PDE10A: variants seen among roughly 807,000 people sequenced by gnomAD.
The protein encoded by PDE10A is phosphodiesterase 10A.
In PDE10A, 39 loss-of-function variants were observed where a neutral mutation model predicts 97.7. The ratio of observed to expected loss-of-function variants is 0.40; its 90% CI spans 0.31 to 0.52. PDE10A has a LOEUF of 0.52. PDE10A is among the 20% of genes least tolerant of loss of function. The probability of loss-of-function intolerance (pLI) is 0.56; values close to 1 mark genes in which losing one functional copy is unlikely to be tolerated. For synonymous variants in PDE10A, 371 were observed against 376.8 expected, an observed-to-expected ratio of 0.98 and a Z score of 0.18; for missense variants, 731 against 1,047.8, an observed-to-expected ratio of 0.70 and a Z score of 4.17.
chr6:165,395,919 G>A (rs1002610905), intron 14 of PDE10A, among the ~76,000 whole-genome samples: 1 of 152,090 alleles, frequency 6.6e-6, no homozygotes, highest in African/African-American at 2.4e-5. Context: ...AATACAGTAT[G>A]AGAGTCAAAC....
At chr6:165,348,043 C>T (rs980001663) in intron 18 of PDE10A, among the ~76,000 whole-genome samples, 16 of 152,254 alleles carry the variant, frequency 1.1e-4, no homozygotes, top group Admixed American at 9.2e-4. Context: ...CTTTGACATG[C>T]ACGTACATCT....
Position 165,388,288 on chromosome 6 carries a change from A to G in PDE10A, c.2610+10T>C, listed in dbSNP as rs766986696. 1 of 1,613,626 alleles carries G rather than the reference A, an allele frequency of 6.2e-7. No homozygotes were observed. Among genetic ancestry groups the G allele is most frequent in the Non-Finnish European group, 8.5e-7 (1 of 1,179,672 alleles). On this transcript the variant is annotated intron_variant, in intron 17 of 21. Transcript: ENST00000539869. This position sits in a 1 kb window ranked among gnomAD's most constrained non-coding sequence, Gnocchi z 4.0. ...TCAGACTAAGCGAGAGACGGCGTGC[A>G]GTGACTCACCTGGAGGATGGACACA...
At chr6:165,463,129 C>T (rs1322160274) in intron 3 of PDE10A, among the ~76,000 whole-genome samples, 1 of 152,128 alleles carries the variant, frequency 6.6e-6, no homozygotes, top group Admixed American at 6.5e-5. Flanking sequence ...AGTCTGCGAG[C>T]CACAGCCACA....
At chr6:165,867,335 T>A (rs1421852150) in intron 1 of PDE10A, among the ~76,000 whole-genome samples, 2 of 148,796 alleles carry the variant, frequency 1.3e-5, no homozygotes, top group Non-Finnish European at 1.5e-5. Flanking sequence ...AAAAAAAAAA[T>A]CCACACAAAT....
intron 1 of PDE10A, among the ~76,000 whole-genome samples, chr6:165,813,595 G>C (rs1049791972): frequency 3.3e-5 from 5 of 152,170 alleles, no homozygotes; most frequent in Non-Finnish European, 7.3e-5. Flanking sequence ...CAATGCATCC[G>C]AAGACAATCT....
intron 1 of PDE10A, among the ~76,000 whole-genome samples, chr6:165,769,623 T>C (rs1024084366): frequency 2.0e-5 from 3 of 152,328 alleles, no homozygotes; most frequent in African/African-American, 7.2e-5. Flanking sequence ...ATAGTTTTTT[T>C]CTACCCTGTG....
At chr6:165,335,311 C>A (rs961261927) in intron 21 of PDE10A, among the ~76,000 whole-genome samples, 1 of 152,052 alleles carries the variant, frequency 6.6e-6, no homozygotes, top group Non-Finnish European at 1.5e-5. Flanking sequence ...ATTTAAACAA[C>A]AAACTGTGTG....
intron 1 of PDE10A, among the ~76,000 whole-genome samples, chr6:165,741,587 T>A (rs1238367415): frequency 6.6e-6 from 1 of 152,166 alleles, no homozygotes; most frequent in Admixed American, 6.5e-5. Context: ...AACGTTCTAC[T>A]CCATGAATGA....
intron 1 of PDE10A, among the ~76,000 whole-genome samples, chr6:165,577,916 C>G (rs2128351510): frequency 6.6e-6 from 1 of 152,202 alleles, no homozygotes; most frequent in East Asian, 1.9e-4. Flanking sequence ...ATACACAAAA[C>G]AAGAGAAACC....
intron 1 of PDE10A, among the ~76,000 whole-genome samples, chr6:165,695,152 C>A (rs1034184124): frequency 7.3e-5 from 11 of 150,092 alleles, no homozygotes; most frequent in Admixed American, 1.3e-4. Context: ...CAACTTCCAG[C>A]ATGGCAGTGT....
rs188667653 is a variant in PDE10A at position 165,566,032 on chromosome 6, T to C, written c.866-22464A>G. On this transcript the variant is annotated intron_variant, in intron 1 of 21. Transcript: ENST00000539869. ...ATGAACCTGGGCATGTCATTTACTT[T>C]TTAGAAGCAACACAAAGACAAGATC... 7.9e-5 allele frequency among the ~76,000 whole-genome samples: 12 copies of C among 152,294 alleles called. No individual in the cohort carries two copies. In the East Asian group the frequency reaches 2.1e-3, roughly 27 times the overall value.
intron 2 of PDE10A, among the ~76,000 whole-genome samples, chr6:165,482,798 A>G (rs1325389890): frequency 6.6e-6 from 1 of 152,310 alleles, no homozygotes. Flanking sequence ...ATGTACCTGC[A>G]TGGCACTCTG....
intron 17 of PDE10A, among the ~76,000 whole-genome samples, chr6:165,386,243 A>T (rs1583171559): frequency 6.6e-6 from 1 of 152,262 alleles, no homozygotes; most frequent in Non-Finnish European, 1.5e-5. Flanking sequence ...GTTTAGGTGG[A>T]CCTGGAGCTT....
chr6:165,661,988 G>C lies in PDE10A; in HGVS notation c.824C>G (p.Ala275Gly). 1 of 1,359,778 alleles carries C rather than the reference G, an allele frequency of 7.4e-7. No individual in the cohort carries two copies. The highest frequency in any genetic ancestry group is 1.0e-6 in the Non-Finnish European group (1 of 978,560). The allele number at this position is 1,359,778 out of a possible 1,614,324, so 84.2% of individuals were successfully genotyped here. ...CTCGGTCAGCCTTCGGAAGCAGCTC[G>C]CATTATTAGAAGGTCCATCTTCCAT... ...SDMEDGPSNN[A>G]SCFRRLTECF... The change falls in exon 1 of 22, where the codon GCG (alanine) becomes GGG (glycine). Residue 275 changes from alanine (A) to glycine (G), a missense_variant. Physicochemically the swap from Ala to Gly is moderately conservative, Grantham distance 60. Coordinates refer to ENST00000539869, the MANE Select transcript of PDE10A (RefSeq NM_001385079.1). The surrounding 1 kb of genome is among the most constrained non-coding windows in gnomAD (Gnocchi z 4.8).
chr6:165,960,366 C>G (rs1784319224), intron 1 of PDE10A, among the ~76,000 whole-genome samples: 2 of 152,166 alleles, frequency 1.3e-5, no homozygotes, highest in South Asian at 4.1e-4. Flanking sequence ...CATGCAGAAG[C>G]ACGTGGAGGC....
intron 1 of PDE10A, among the ~76,000 whole-genome samples, chr6:165,977,879 G>A (rs961722444): frequency 6.6e-6 from 1 of 152,280 alleles, no homozygotes; most frequent in East Asian, 1.9e-4. Flanking sequence ...AGTAAATTGT[G>A]GAATAGTGAT....
At chr6:165,441,753 G>A (rs1435593344) in intron 5 of PDE10A, among the ~76,000 whole-genome samples, 1 of 152,134 alleles carries the variant, frequency 6.6e-6, no homozygotes, top group Non-Finnish European at 1.5e-5. Context: ...CTGTCTCCCC[G>A]GGTTTAACAT....
In PDE10A at chr6:165,867,978, T is replaced by G. The variant is rs558656875; in HGVS notation, c.-615+119551A>C. On this transcript the variant is annotated intron_variant, in intron 1 of 19. Transcript: ENST00000366882. ...AATTTTAAAAATGTCCTGAAACAAA[T>G]GAAAATGGAAACAGAATATTTCAAA... is the stretch of plus-strand genomic sequence containing the variant. Among the ~76,000 whole-genome samples the G allele has an allele frequency of 2.0e-5, 3 of 151,876 alleles. No homozygotes were observed. The South Asian group carries it at 6.2e-4, about 31-fold the overall frequency.
chr6:165,973,966 T>A (rs138053386), intron 1 of PDE10A, among the ~76,000 whole-genome samples: 1 of 152,306 alleles, frequency 6.6e-6, no homozygotes, highest in African/African-American at 2.4e-5. Context: ...CAAGATAGTT[T>A]TATCCTTATA....
Sources: allele counts gnomAD v4.1 joint callset (sites outside exome capture counted in the v4.1 genomes callset), GRCh38; gene constraint gnomAD v4.1.1; non-coding constraint Gnocchi (gnomAD v3.1); transcripts MANE v1.5; gene names NCBI Gene and HGNC (gene_info 2026-07-23, HGNC 2026-07-21).